The following ITPRID1 variants were observed in gnomAD, a reference collection of about 807,000 sequenced individuals.
ITPRID1 encodes the protein ITPR interacting domain containing 1.
A neutral mutation model predicts 95.4 loss-of-function variants in ITPRID1; 96 were observed. That is an observed-to-expected ratio of 1.01 (90% CI 0.85 to 1.19). The LOEUF (loss-of-function observed/expected upper bound fraction) is 1.19, where lower values mean the gene tolerates loss of function less well. Among genes scored for constraint, ITPRID1 ranks in the 50% most tolerant of loss-of-function variants. ITPRID1 has a pLI of 0.00. For synonymous variants in ITPRID1, 510 were observed against 453.6 expected (o/e 1.12, Z -1.58); for missense variants, 1,339 against 1,252.9 (o/e 1.07, Z -1.04).
intron 10 of ITPRID1, among the ~76,000 whole-genome samples, chr7:31,619,871 G>C (rs535487349): frequency 1.3e-4 from 20 of 152,332 alleles, no homozygotes. Context: ...AGGGGTGACA[G>C]ATGGCACCTG....
At chr7:31,591,971 C>CA (rs1391586684) in intron 10 of ITPRID1, among the ~76,000 whole-genome samples, 2 of 151,716 alleles carry the variant, frequency 1.3e-5, no homozygotes, top group Non-Finnish European at 2.9e-5. Flanking sequence ...ATTTCTGGAC[C>CA]AAAAAAATTC....
At chr7:31,607,102 T>C (rs1262740470) in intron 10 of ITPRID1, among the ~76,000 whole-genome samples, 1 of 152,196 alleles carries the variant, frequency 6.6e-6, no homozygotes. Context: ...TTTCTATTTT[T>C]GAAACATGCT....
At chr7:31,621,001 G>A (rs951812804) in intron 10 of ITPRID1, among the ~76,000 whole-genome samples, 38 of 152,038 alleles carry the variant, frequency 2.5e-4, no homozygotes, top group African/African-American at 8.4e-4. Flanking sequence ...GGAAGAAAGG[G>A]TATCAGTGAT....
intron 1 of ITPRID1, among the ~76,000 whole-genome samples, chr7:31,544,782 C>T (rs941773689): frequency 1.5e-4 from 23 of 152,156 alleles, no homozygotes; most frequent in African/African-American, 5.1e-4. Context: ...CTCATTTATA[C>T]AATGTACTTT....
chr7:31,557,276 G>A (rs1464515810), intron 5 of ITPRID1, among the ~76,000 whole-genome samples: 2 of 152,060 alleles, frequency 1.3e-5, no homozygotes, highest in Non-Finnish European at 2.9e-5. Flanking sequence ...CTGAGGCTTT[G>A]TACACTAAGG....
chr7:31,637,275 T>C (rs1448643098), intron 10 of ITPRID1, among the ~76,000 whole-genome samples: 2 of 152,164 alleles, frequency 1.3e-5, no homozygotes, highest in African/African-American at 4.8e-5. Flanking sequence ...CTGGGTCAAA[T>C]GGTATTTCTA....
chr7:31,532,331 C>T (rs545447356), intron 1 of ITPRID1, among the ~76,000 whole-genome samples: 1 of 152,042 alleles, frequency 6.6e-6, no homozygotes, highest in African/African-American at 2.4e-5. Context: ...TTATTTCTTC[C>T]TTTCTAATTT....
intron 1 of ITPRID1, among the ~76,000 whole-genome samples, chr7:31,524,019 T>C (rs1783349423): frequency 6.6e-6 from 1 of 152,182 alleles, no homozygotes; most frequent in African/African-American, 2.4e-5. Context: ...TAGGCAATAC[T>C]GAGGACATTC....
At chr7:31,650,778 A>G in intron 12 of ITPRID1, among the ~76,000 whole-genome samples, 1 of 152,340 alleles carries the variant, frequency 6.6e-6, no homozygotes, top group East Asian at 1.9e-4. Context: ...ACAAAGTTAA[A>G]CAAGATTAAA....
chr7:31,518,823 A>G (rs1224510026), intron 1 of ITPRID1, among the ~76,000 whole-genome samples: 1 of 152,196 alleles, frequency 6.6e-6, no homozygotes, highest in East Asian at 1.9e-4. Flanking sequence ...CAAATAAATT[A>G]TTTAAAACCT....
chr7:31,559,508 A>C (rs1185209244), intron 5 of ITPRID1, among the ~76,000 whole-genome samples: 1 of 151,958 alleles, frequency 6.6e-6, no homozygotes, highest in Non-Finnish European at 1.5e-5. Context: ...TAAAAATACA[A>C]AAAAAAATTA....
Position 31,515,039 on chromosome 7 carries a change from G to A in ITPRID1, c.-98+919G>A, listed in dbSNP as rs190034215. On this transcript the variant is annotated intron_variant, in intron 1 of 14. Coordinates refer to ENST00000615280, the MANE Select transcript of ITPRID1 (RefSeq NM_001257967.3). Reference sequence around the variant, plus strand: ...GGGAATTGACAGAAGAGAAGAAAGTGGTGATTTAGTAATTATCTATTCTTA... The same window carrying A: ...GGGAATTGACAGAAGAGAAGAAAGTAGTGATTTAGTAATTATCTATTCTTA... Among the ~76,000 whole-genome samples, 4 of 151,928 alleles carry A rather than the reference G, an allele frequency of 2.6e-5. No homozygotes were observed. In the East Asian group the frequency reaches 5.8e-4, roughly 22 times the overall value.
chr7:31,607,952 A>G lies in ITPRID1; in HGVS notation c.1228+24761A>G, dbSNP rs139415999. On this transcript the variant is annotated intron_variant, in intron 10 of 14. Coordinates refer to ENST00000615280, the MANE Select transcript of ITPRID1 (RefSeq NM_001257967.3). ...AGAATGTTTTCTCCCATAGCATCCT[A>G]TTTTTTTTTGTCATGGTTGCAATGC... Among the ~76,000 whole-genome samples the G allele has an allele frequency of 1.3e-4, 19 of 150,150 alleles. 1 individual carries two copies. In the East Asian group the frequency reaches 3.5e-3, roughly 28 times the overall value.
intron 10 of ITPRID1, among the ~76,000 whole-genome samples, chr7:31,608,813 CCTTT>C (rs1170678356): frequency 6.6e-6 from 1 of 151,410 alleles, no homozygotes; most frequent in African/African-American, 2.4e-5. Context: ...TTTACTTCTT[CCTTT>C]GATTCTGAAT....
intron 13 of ITPRID1, among the ~76,000 whole-genome samples, chr7:31,651,594 G>A (rs1216726450): frequency 6.6e-6 from 1 of 152,116 alleles, no homozygotes; most frequent in African/African-American, 2.4e-5. Flanking sequence ...CATTGGGGCT[G>A]GGGATGGAAA....
At chr7:31,597,890 T>C (rs1348861644) in intron 10 of ITPRID1, among the ~76,000 whole-genome samples, 1 of 152,090 alleles carries the variant, frequency 6.6e-6, no homozygotes, top group Non-Finnish European at 1.5e-5. Context: ...TATATAGAAA[T>C]TGTAATTAAG....
At chr7:31,585,818 A>G (rs569168527) in intron 10 of ITPRID1, among the ~76,000 whole-genome samples, 1 of 152,284 alleles carries the variant, frequency 6.6e-6, no homozygotes, top group South Asian at 2.1e-4. Context: ...AATGATTACA[A>G]AGAAGCATGA....
At chr7:31,635,203 A>G (rs961230273) in intron 10 of ITPRID1, among the ~76,000 whole-genome samples, 3 of 152,168 alleles carry the variant, frequency 2.0e-5, no homozygotes, top group African/African-American at 4.8e-5. Flanking sequence ...TTTAATTTCT[A>G]TGACTCTAAG....
intron 1 of ITPRID1, among the ~76,000 whole-genome samples, chr7:31,548,894 A>C (rs757984950): frequency 2.6e-5 from 4 of 152,128 alleles, no homozygotes; most frequent in Admixed American, 6.6e-5. Flanking sequence ...TTAATGGAAC[A>C]CATGGATCTA....
Sources: allele counts gnomAD v4.1 joint callset (sites outside exome capture counted in the v4.1 genomes callset), GRCh38; gene constraint gnomAD v4.1.1; transcripts MANE v1.5; gene names NCBI Gene and HGNC (gene_info 2026-07-23, HGNC 2026-07-21).